The following STUM variants were observed in gnomAD, a reference collection of about 807,000 sequenced individuals.
The protein encoded by STUM is protein stum homolog.
In STUM, 8 loss-of-function variants were observed where a neutral mutation model predicts 15.3. That is an observed-to-expected ratio of 0.52 (90% CI 0.31 to 0.94). The LOEUF (loss-of-function observed/expected upper bound fraction) is 0.94, where lower values mean the gene tolerates loss of function less well. Among genes scored for constraint, STUM ranks in the 40% least tolerant of loss-of-function variants. The pLI is 0.05. For synonymous variants in STUM, 78 were observed against 88.7 expected, an observed-to-expected ratio of 0.88 and a Z score of 0.68; for missense variants, 142 against 204.9, an observed-to-expected ratio of 0.69 and a Z score of 1.87.
intron 2 of STUM, among the ~76,000 whole-genome samples, chr1:226,599,520 C>T (rs554481500): frequency 1.3e-5 from 2 of 152,216 alleles, no homozygotes; most frequent in Non-Finnish European, 2.9e-5. Flanking sequence ...GTCAGTCCAG[C>T]CCCTTGCTAT....
At chr1:226,595,616 A>C (rs1209740323) in intron 1 of STUM, among the ~76,000 whole-genome samples, 1 of 152,228 alleles carries the variant, frequency 6.6e-6, no homozygotes, top group East Asian at 1.9e-4. Context: ...GATGTGATTA[A>C]ATTAAATGGA....
intron 1 of STUM, among the ~76,000 whole-genome samples, chr1:226,553,952 T>C (rs1403496385): frequency 6.6e-6 from 1 of 152,150 alleles, no homozygotes; most frequent in African/African-American, 2.4e-5. Context: ...AAATTATTGT[T>C]CCCAATTATT....
chr1:226,583,039 G>A (rs1044148559), intron 1 of STUM, among the ~76,000 whole-genome samples: 2 of 152,198 alleles, frequency 1.3e-5, no homozygotes, highest in African/African-American at 4.8e-5. Flanking sequence ...CCATCCGCAT[G>A]TGGTGTCTCA....
At chr1:226,588,699 G>A (rs1182704311) in intron 1 of STUM, among the ~76,000 whole-genome samples, 7 of 152,200 alleles carry the variant, frequency 4.6e-5, no homozygotes, top group Non-Finnish European at 7.3e-5. Flanking sequence ...TAGACCTCCT[G>A]AATCAGACTC....
At chr1:226,581,017 G>A (rs1044017691) in intron 1 of STUM, among the ~76,000 whole-genome samples, 2 of 152,304 alleles carry the variant, frequency 1.3e-5, no homozygotes, top group Admixed American at 6.5e-5. Context: ...CCCAGGGTGC[G>A]GCCCTAGTTC....
rs1422396923 is a variant in STUM, at chr1:226,552,572, T to A, written c.202+3466T>A. Among the ~76,000 whole-genome samples, 3 of 152,176 alleles carry A rather than the reference T, an allele frequency of 2.0e-5. No homozygotes were observed. Among genetic ancestry groups the A allele is most frequent in the African/African-American group, 7.2e-5 (3 of 41,426 alleles). On this transcript the variant is annotated intron_variant, in intron 1 of 3. Transcript: ENST00000366788. This position sits in a 1 kb window ranked among gnomAD's most constrained non-coding sequence, Gnocchi z 4.7. ...ATTTGGTGAAACGAAAATGTTGATA[T>A]CTCAGTGACACGGAAAGTCGAAGGG...
chr1:226,593,762 C>T (rs1033562237), intron 1 of STUM, among the ~76,000 whole-genome samples: 4 of 152,158 alleles, frequency 2.6e-5, no homozygotes, highest in South Asian at 2.1e-4. Context: ...GGGTAGTTAG[C>T]GAGTTGTCTG....
intron 1 of STUM, among the ~76,000 whole-genome samples, chr1:226,592,944 G>A (rs762894511): frequency 8.5e-5 from 13 of 152,182 alleles, no homozygotes; most frequent in Non-Finnish European, 1.8e-4. Context: ...CCAGCACTTT[G>A]GGAGGCCAAG....
rs1427277562 is a variant in STUM, at chr1:226,609,137, C to A, written c.*7097C>A. Reference sequence around the variant, plus strand: ...ATTCCAAGTTTGTGTTTTTTTAAATCCTTGGAAATACGGCTTTGGAAACCT... The same window carrying A: ...ATTCCAAGTTTGTGTTTTTTTAAATACTTGGAAATACGGCTTTGGAAACCT... On this transcript the variant is annotated 3_prime_UTR_variant, in exon 4 of 4. Coordinates refer to ENST00000366788, the MANE Select transcript of STUM (RefSeq NM_001003665.4). 4.6e-5 allele frequency: 7 copies of A among 152,020 alleles called. No individual in the cohort carries two copies. The highest frequency in any genetic ancestry group is 7.3e-5 in the African/African-American group (3 of 41,378). 9.4% of individuals were successfully genotyped at this position (152,020 alleles called of 1,614,324 possible).
chr1:226,573,552 T>C (rs1031073448), intron 1 of STUM, among the ~76,000 whole-genome samples: 1 of 152,196 alleles, frequency 6.6e-6, no homozygotes, highest in Non-Finnish European at 1.5e-5. Flanking sequence ...GCTTGATTTT[T>C]AAGTGGACTC....
rs541270150 is a variant in STUM at position 226,591,806 on chromosome 1, A to C, written c.203-4996A>C. 6.6e-5 allele frequency among the ~76,000 whole-genome samples: 10 copies of C among 152,308 alleles called. No individual in the cohort carries two copies. In the South Asian group the frequency reaches 2.1e-3, roughly 32 times the overall value. On this transcript the variant is annotated intron_variant, in intron 1 of 3. Coordinates refer to ENST00000366788, the MANE Select transcript of STUM (RefSeq NM_001003665.4). ...CAATTTCCTATGGTTCAGCCTAATA[A>C]AAACATGAAAGAACATGGAATGCTG... is the stretch of plus-strand genomic sequence containing the variant.
intron 1 of STUM, among the ~76,000 whole-genome samples, chr1:226,570,250 A>G (rs1667686555): frequency 6.6e-6 from 1 of 152,196 alleles, no homozygotes; most frequent in Non-Finnish European, 1.5e-5. Context: ...CTGTTAGTGT[A>G]ACCCAGCAGC....
At chr1:226,583,728 C>CA (rs1237087518) in intron 1 of STUM, among the ~76,000 whole-genome samples, 1 of 152,192 alleles carries the variant, frequency 6.6e-6, no homozygotes, top group Non-Finnish European at 1.5e-5. Context: ...AGCATGGCTG[C>CA]AGTGCAGTGT....
At chr1:226,594,903 G>A (rs950982781) in intron 1 of STUM, among the ~76,000 whole-genome samples, 9 of 152,182 alleles carry the variant, frequency 5.9e-5, no homozygotes, top group African/African-American at 1.2e-4. Flanking sequence ...CGATCTGCCC[G>A]CCTCGGCCTC....
chr1:226,600,397 G>T lies in STUM; in HGVS notation c.383-269G>T, dbSNP rs1382571795. Among the ~76,000 whole-genome samples, 1 of 152,228 alleles carries T rather than the reference G, an allele frequency of 6.6e-6. No individual in the cohort carries two copies. The highest frequency in any genetic ancestry group is 1.5e-5 in the Non-Finnish European group (1 of 68,036). ...GACCAAGCTCCCTGGCAGTGTGAGAGCCCCTCGCTGTGCCCCTAGCCACAC... is the reference window on the plus strand; with the variant it reads ...GACCAAGCTCCCTGGCAGTGTGAGATCCCCTCGCTGTGCCCCTAGCCACAC... On this transcript the variant is annotated intron_variant, in intron 2 of 3. Coordinates refer to ENST00000366788, the MANE Select transcript of STUM (RefSeq NM_001003665.4). The surrounding 1 kb of genome is among the most constrained non-coding windows in gnomAD (Gnocchi z 5.2).
intron 1 of STUM, among the ~76,000 whole-genome samples, chr1:226,578,722 G>A (rs1318248038): frequency 6.6e-6 from 1 of 152,134 alleles, no homozygotes; most frequent in Admixed American, 6.5e-5. Context: ...TGAAGGCCAA[G>A]TTTAAAGCCC....
At chr1:226,601,537 C>T (rs1355803386) in intron 3 of STUM, among the ~76,000 whole-genome samples, 2 of 152,210 alleles carry the variant, frequency 1.3e-5, no homozygotes, top group Admixed American at 6.5e-5. Flanking sequence ...CCTTTCCTGC[C>T]GTAACCGTCC....
intron 1 of STUM, among the ~76,000 whole-genome samples, chr1:226,572,822 C>A (rs751895633): frequency 2.0e-5 from 3 of 152,224 alleles, no homozygotes; most frequent in South Asian, 4.1e-4. Flanking sequence ...CGGGACCAGG[C>A]TCATGAAAAG....
At chr1:226,557,511 G>A (rs1395983433) in intron 1 of STUM, among the ~76,000 whole-genome samples, 1 of 152,146 alleles carries the variant, frequency 6.6e-6, no homozygotes, top group Non-Finnish European at 1.5e-5. Context: ...GTAGGATTGT[G>A]GGTCATATGG....
Sources: gnomAD v4.1 joint callset for allele counts (sites outside exome capture counted in the v4.1 genomes callset) on GRCh38, gnomAD v4.1.1 for gene constraint, Gnocchi (gnomAD v3.1) non-coding constraint, MANE v1.5 for transcripts, NCBI Gene and HGNC (gene_info 2026-07-23, HGNC 2026-07-21) for gene names.